PTPRD: variants seen among roughly 807,000 people sequenced by gnomAD.
The protein encoded by PTPRD is protein tyrosine phosphatase receptor type D, also known as receptor-type tyrosine-protein phosphatase delta.
Under a neutral mutation model 214.5 loss-of-function variants are expected in PTPRD, and 34 were observed. That is an observed-to-expected ratio of 0.16 (90% CI 0.12 to 0.21). The LOEUF is 0.21. PTPRD is among the 10% of genes least tolerant of loss of function. The pLI, the probability that PTPRD is intolerant of heterozygous loss-of-function variation, is 1.00. For synonymous variants in PTPRD, 1,128 were observed against 845.7 expected (o/e 1.33, Z -5.79); for missense variants, 2,545 against 2,398.7 (o/e 1.06, Z -1.27).
At chr9:10,300,621 ACCCT>A (rs2095834024) in intron 3 of PTPRD, among the ~76,000 whole-genome samples, 1 of 151,990 alleles carries the variant, frequency 6.6e-6, no homozygotes, top group African/African-American at 2.4e-5. Context: ...AAGTGGTTTT[ACCCT>A]CACAGTGTAA....
At chr9:10,537,383 C>G (rs1309169454) in intron 2 of PTPRD, among the ~76,000 whole-genome samples, 1 of 152,058 alleles carries the variant, frequency 6.6e-6, no homozygotes, top group South Asian at 2.1e-4. Context: ...TGTTCTTGAA[C>G]TTGTTTTTGC....
At chr9:8,699,710 T>C (rs1232631176) in intron 12 of PTPRD, among the ~76,000 whole-genome samples, 1 of 151,580 alleles carries the variant, frequency 6.6e-6, no homozygotes, top group Non-Finnish European at 1.5e-5. Flanking sequence ...TCTGAAATGG[T>C]ATCCATCACA....
chr9:8,687,423 G>A (rs974211179), intron 12 of PTPRD, among the ~76,000 whole-genome samples: 1 of 152,174 alleles, frequency 6.6e-6, no homozygotes, highest in Non-Finnish European at 1.5e-5. Context: ...TTTAAATAAA[G>A]TTTGGTAAGG....
chr9:9,126,085 C>T (rs2099832387), intron 10 of PTPRD, among the ~76,000 whole-genome samples: 1 of 152,074 alleles, frequency 6.6e-6, no homozygotes, highest in Non-Finnish European at 1.5e-5. Flanking sequence ...TTGGTGGTGC[C>T]AGATTATACA....
intron 3 of PTPRD, among the ~76,000 whole-genome samples, chr9:10,183,046 T>C (rs892945796): frequency 2.0e-5 from 3 of 152,168 alleles, no homozygotes; most frequent in African/African-American, 7.2e-5. Flanking sequence ...GGGATAATAA[T>C]GATTTTAATA....
intron 2 of PTPRD, among the ~76,000 whole-genome samples, chr9:10,533,640 C>T (rs2057032186): frequency 6.6e-6 from 1 of 151,582 alleles, no homozygotes; most frequent in Admixed American, 6.6e-5. Flanking sequence ...TGAATAGTCC[C>T]ATGTATAACA....
chr9:8,529,995 A>G (rs1456160745), intron 14 of PTPRD, among the ~76,000 whole-genome samples: 2 of 152,090 alleles, frequency 1.3e-5, no homozygotes, highest in African/African-American at 4.8e-5. Flanking sequence ...CACCAATTCT[A>G]AAATTACTCG....
intron 3 of PTPRD, among the ~76,000 whole-genome samples, chr9:10,173,002 T>C (rs1272276327): frequency 6.6e-6 from 1 of 152,256 alleles, no homozygotes; most frequent in East Asian, 1.9e-4. Flanking sequence ...GTCTCCTTTT[T>C]CCTTTGTAAA....
Position 10,582,163 on chromosome 9 carries a change from T to C in PTPRD, c.-600+30235A>G, listed in dbSNP as rs907339789. ...ATCTAACCAAATATTAGAGTTAGAATATAGCTCAAGGTGCCCCTGGATTAA... is the reference window on the plus strand; with the variant it reads ...ATCTAACCAAATATTAGAGTTAGAACATAGCTCAAGGTGCCCCTGGATTAA... On this transcript the variant is annotated intron_variant, in intron 2 of 45. Transcript: ENST00000381196. Among the ~76,000 whole-genome samples the C allele has an allele frequency of 6.6e-5, 10 of 152,268 alleles. No individual in the cohort carries two copies. In the South Asian group the frequency reaches 1.2e-3, roughly 19 times the overall value.
chr9:8,497,212 C>T (rs377308210), intron 26 of PTPRD, 30 bp downstream of exon 26: 2 of 1,568,824 alleles, frequency 1.3e-6, no homozygotes, highest in Non-Finnish European at 1.7e-6. Flanking sequence ...ATATAGTCTG[C>T]TTTTGACAAA....
chr9:9,238,909 C>A (rs1250746516), intron 9 of PTPRD, among the ~76,000 whole-genome samples: 1 of 152,010 alleles, frequency 6.6e-6, no homozygotes. Flanking sequence ...ATCCTAGGAC[C>A]CTCTGCGTAC....
chr9:8,435,870 T>C lies in PTPRD; in HGVS notation c.4086+722A>G, dbSNP rs981472740. 3.9e-5 allele frequency among the ~76,000 whole-genome samples: 6 copies of C among 152,352 alleles called. 1 individual carries two copies. The South Asian group carries it at 6.2e-4, about 16-fold the overall frequency. On this transcript the variant is annotated intron_variant, in intron 35 of 45. Transcript: ENST00000381196. ...AAGCAACTCTCTGAAAATACATTTC[T>C]ATCTTAATATTAGCTCTAGCATTAA...
intron 11 of PTPRD, among the ~76,000 whole-genome samples, chr9:8,937,205 C>G (rs1161674749): frequency 6.6e-6 from 1 of 152,074 alleles, no homozygotes; most frequent in African/African-American, 2.4e-5. Context: ...GGTGACATTA[C>G]TATTATCACC....
Position 10,469,204 on chromosome 9 carries a change from C to A in PTPRD, c.-599-128187G>T, listed in dbSNP as rs114709938. ...TTATGGTTGCCCATACAGAAAACAA[C>A]TTCAGTTATGAAGTAGACCCAGACA... On this transcript the variant is annotated intron_variant, in intron 2 of 45. Coordinates refer to ENST00000381196, the MANE Select transcript of PTPRD (RefSeq NM_002839.4). Among the ~76,000 whole-genome samples, 697 of 152,188 alleles carry A rather than the reference C, an allele frequency of 4.6e-3. 1 individual carries two copies. Among genetic ancestry groups the A allele is most frequent in the African/African-American group, 0.016 (662 of 41,520 alleles).
At chr9:8,360,254 ATATT>A (rs1365799725) in intron 39 of PTPRD, among the ~76,000 whole-genome samples, 2 of 152,202 alleles carry the variant, frequency 1.3e-5, no homozygotes, top group Non-Finnish European at 2.9e-5. Flanking sequence ...AAATGGAAAA[ATATT>A]TATAAACATC....
intron 14 of PTPRD, among the ~76,000 whole-genome samples, chr9:8,562,194 G>C (rs1239009078): frequency 6.6e-6 from 1 of 152,022 alleles, no homozygotes; most frequent in Non-Finnish European, 1.5e-5. Flanking sequence ...TAAGCTATAA[G>C]GTGGATAAGA....
intron 9 of PTPRD, among the ~76,000 whole-genome samples, chr9:9,187,690 C>A (rs964150308): frequency 6.6e-6 from 1 of 151,812 alleles, no homozygotes; most frequent in Non-Finnish European, 1.5e-5. Context: ...TTAATAACAA[C>A]AACAACAAAT....
intron 4 of PTPRD, among the ~76,000 whole-genome samples, chr9:9,941,167 G>C (rs892085913): frequency 6.6e-6 from 1 of 152,216 alleles, no homozygotes; most frequent in African/African-American, 2.4e-5. Flanking sequence ...GCCGCATGCT[G>C]CCTGTGGGCT....
intron 3 of PTPRD, among the ~76,000 whole-genome samples, chr9:10,322,839 T>C (rs1263103227): frequency 6.6e-6 from 1 of 151,922 alleles, no homozygotes; most frequent in African/African-American, 2.4e-5. Flanking sequence ...TGCCAACATG[T>C]CATCAGGGAG....
Sources: allele counts gnomAD v4.1 joint callset (sites outside exome capture counted in the v4.1 genomes callset), GRCh38; gene constraint gnomAD v4.1.1; transcripts MANE v1.5; gene names NCBI Gene and HGNC (gene_info 2026-07-23, HGNC 2026-07-21).